Variants in DENND1A observed in about 807,000 individuals in gnomAD.
DENND1A encodes DENN domain containing 1A.
Under a neutral mutation model 113.7 loss-of-function variants are expected in DENND1A, and 51 were observed. The observed-to-expected ratio is 0.45, with a 90% CI of 0.36 to 0.57. The LOEUF is 0.57. Among genes scored for constraint, DENND1A ranks in the 20% least tolerant of loss-of-function variants. The pLI is 0.00. For synonymous variants in DENND1A, 565 were observed against 570.8 expected (o/e 0.99, Z 0.14); for missense variants, 1,258 against 1,395.9 (o/e 0.90, Z 1.57).
At chr9:123,794,779 T>A (rs1307466485) in intron 2 of DENND1A, among the ~76,000 whole-genome samples, 1 of 152,152 alleles carries the variant, frequency 6.6e-6, no homozygotes, top group Admixed American at 6.5e-5. Flanking sequence ...AAAATATTTT[T>A]GATTAATATA....
chr9:123,833,005 G>T (rs1840481764), intron 2 of DENND1A, among the ~76,000 whole-genome samples: 1 of 151,286 alleles, frequency 6.6e-6, no homozygotes. Context: ...CATGCCTGTA[G>T]TCACGACTAC....
chr9:123,885,019 ACACACACACACTCACTCTCTCTCT>A (rs1848840719), intron 1 of DENND1A, among the ~76,000 whole-genome samples: 2 of 149,404 alleles, frequency 1.3e-5, no homozygotes, highest in South Asian at 4.2e-4. Flanking sequence ...ACACACACAC[ACACACACACACTCACTCTCTCTCT>A]CACACACACA....
intron 8 of DENND1A, among the ~76,000 whole-genome samples, chr9:123,655,464 A>T (rs906698148): frequency 1.3e-5 from 2 of 152,126 alleles, no homozygotes; most frequent in African/African-American, 2.4e-5. Context: ...AGATGAAGCA[A>T]TTGATTACTC....
At chr9:123,921,751 C>T (rs117189440) in intron 1 of DENND1A, among the ~76,000 whole-genome samples, 207 of 152,268 alleles carry the variant, frequency 1.4e-3, no homozygotes, top group Admixed American at 3.4e-3. Flanking sequence ...TTCACTTTTC[C>T]TCAGAAAAGC....
intron 5 of DENND1A, among the ~76,000 whole-genome samples, chr9:123,688,557 G>A (rs2064969410): frequency 6.6e-6 from 1 of 152,220 alleles, no homozygotes; most frequent in South Asian, 2.1e-4. Flanking sequence ...CTTGGAAAAT[G>A]TGGTAAGTAA....
intron 11 of DENND1A, among the ~76,000 whole-genome samples, chr9:123,606,886 AG>A (rs1325066042): frequency 6.6e-6 from 1 of 152,250 alleles, no homozygotes; most frequent in African/African-American, 2.4e-5. Flanking sequence ...CATAAGTGAA[AG>A]AAGAAAACAG....
chr9:123,494,701 C>T (rs1464336022), intron 13 of DENND1A, among the ~76,000 whole-genome samples: 1 of 152,206 alleles, frequency 6.6e-6, no homozygotes, highest in Non-Finnish European at 1.5e-5. Context: ...GAAGCCTTAC[C>T]CCACCTTCTA....
rs566782855 is a variant in DENND1A at position 123,866,510 on chromosome 9, T to A, written c.88+12441A>T. On this transcript the variant is annotated intron_variant, in intron 2 of 23. Coordinates refer to ENST00000394215, the MANE Select transcript of DENND1A (RefSeq NM_001352964.2). ...ATATCTTTCATATAGTAATAATGACTATCATTCTAATATTTGAATCCCTTC... is the reference window on the plus strand; with the variant it reads ...ATATCTTTCATATAGTAATAATGACAATCATTCTAATATTTGAATCCCTTC... Among the ~76,000 whole-genome samples the A allele has an allele frequency of 5.3e-5, 8 of 152,370 alleles. No homozygotes were observed. The South Asian group carries it at 1.7e-3, about 32-fold the overall frequency.
chr9:123,644,740 C>T (rs1433231226), intron 9 of DENND1A, among the ~76,000 whole-genome samples: 1 of 152,202 alleles, frequency 6.6e-6, no homozygotes, highest in African/African-American at 2.4e-5. Context: ...CCTGACACTG[C>T]ATCATAACGA....
intron 13 of DENND1A, among the ~76,000 whole-genome samples, chr9:123,525,078 C>T (rs1437588285): frequency 1.3e-5 from 2 of 152,186 alleles, no homozygotes; most frequent in South Asian, 2.1e-4. Flanking sequence ...CATAGTCACT[C>T]TACTTGATAG....
chr9:123,478,202 C>T (rs2050066299), intron 13 of DENND1A, among the ~76,000 whole-genome samples: 1 of 152,242 alleles, frequency 6.6e-6, no homozygotes, highest in South Asian at 2.1e-4. Context: ...TAACCAAACT[C>T]AACTGTGCTC....
intron 2 of DENND1A, among the ~76,000 whole-genome samples, chr9:123,800,473 G>A (rs1378414727): frequency 6.6e-6 from 1 of 152,178 alleles, no homozygotes; most frequent in Non-Finnish European, 1.5e-5. Flanking sequence ...CAAATTCAGA[G>A]TTAAGTAACA....
At chr9:123,481,221 G>C (rs368381649) in intron 13 of DENND1A, among the ~76,000 whole-genome samples, 2 of 152,222 alleles carry the variant, frequency 1.3e-5, no homozygotes, top group Non-Finnish European at 2.9e-5. Context: ...TGCAGAGGCC[G>C]ACTCAGGAAG....
At chr9:123,603,482 T>C (rs1038948726) in intron 11 of DENND1A, among the ~76,000 whole-genome samples, 7 of 152,196 alleles carry the variant, frequency 4.6e-5, no homozygotes, top group African/African-American at 1.7e-4. Flanking sequence ...TAAGCACTTG[T>C]ATGTTTGAAA....
intron 9 of DENND1A, among the ~76,000 whole-genome samples, chr9:123,642,239 A>G (rs572563738): frequency 1.3e-5 from 2 of 152,364 alleles, no homozygotes; most frequent in South Asian, 2.1e-4. Flanking sequence ...TTATCTATAC[A>G]TTTTAAAGCC....
intron 5 of DENND1A, among the ~76,000 whole-genome samples, chr9:123,677,425 T>A (rs2064151155): frequency 6.6e-6 from 1 of 152,056 alleles, no homozygotes; most frequent in Non-Finnish European, 1.5e-5. Context: ...GTGTGGCTTG[T>A]TTTTTGTTTG....
chr9:123,566,448 C>G (rs1297802568), intron 12 of DENND1A, among the ~76,000 whole-genome samples: 1 of 152,152 alleles, frequency 6.6e-6, no homozygotes, highest in Admixed American at 6.5e-5. Flanking sequence ...CCTCCCTCTC[C>G]CCTGACAACT....
At chr9:123,386,864 C>G (rs1316336022) in intron 22 of DENND1A, among the ~76,000 whole-genome samples, 1 of 152,140 alleles carries the variant, frequency 6.6e-6, no homozygotes, top group Non-Finnish European at 1.5e-5. Context: ...GGGGAGGGAC[C>G]TGATGCTGGG....
In DENND1A at chr9:123,381,705, C is replaced by T. The variant is rs374254507; in HGVS notation, c.2940G>A (p.Ser980=). The T allele has an allele frequency of 1.9e-5, 30 of 1,549,326 alleles. No individual in the cohort carries two copies. Among genetic ancestry groups the T allele is most frequent in the African/African-American group, 1.2e-4 (9 of 73,014 alleles). ...GGGCCAGGGGCAACGTTCGGATCCT[C>T]GACGGGGCAACTGCTGGGGGACCCA... is the stretch of plus-strand genomic sequence containing the variant. ...QPLGPPAVAP[S]RIRTLPLARS... Residue 980 remains serine (S), a synonymous_variant, in exon 24 of 24, where the codon TCG becomes TCA. Transcript: ENST00000394215. This position sits in a 1 kb window ranked among gnomAD's most constrained non-coding sequence, Gnocchi z 4.7.
Sources: allele counts gnomAD v4.1 joint callset (sites outside exome capture counted in the v4.1 genomes callset), GRCh38; gene constraint gnomAD v4.1.1; non-coding constraint Gnocchi (gnomAD v3.1); transcripts MANE v1.5; gene names NCBI Gene and HGNC (gene_info 2026-07-23, HGNC 2026-07-21).